ODAD2: variants seen among roughly 807,000 people sequenced by gnomAD.
ODAD2 encodes outer dynein arm-docking complex subunit 2.
In ODAD2, 89 loss-of-function variants were observed where a neutral mutation model predicts 106.8. That is an observed-to-expected ratio of 0.83 (90% CI 0.70 to 0.99). The LOEUF is 0.99. Among genes scored for constraint, ODAD2 ranks in the 50% least tolerant of loss-of-function variants. ODAD2 has a pLI of 0.00. For missense variants in ODAD2, 1,168 were observed against 1,238.5 expected, an observed-to-expected ratio of 0.94 and a Z score of 0.85; for synonymous variants, 404 against 436.2, an observed-to-expected ratio of 0.93 and a Z score of 0.92.
intron 3 of ODAD2, among the ~76,000 whole-genome samples, chr10:27,986,520 TAAG>T (rs1367542375): frequency 6.6e-6 from 1 of 152,158 alleles, no homozygotes; most frequent in African/African-American, 2.4e-5. Context: ...CCTCGCCTAA[TAAG>T]GAGTAATAGG....
chr10:27,936,821 C>A lies in ODAD2; in HGVS notation c.2157G>T (p.Leu719Phe), dbSNP rs1846013181. Residue 719 changes from leucine (L) to phenylalanine (F), a missense_variant, in exon 15 of 20, where the codon TTG becomes TTT. Transcript: ENST00000305242. Reference sequence around the variant, plus strand: ...TGTCAGTGTTATTGAGTAGACTGGCCAAGGGCTTAAGTCCTCCGTGCAGCC... The same window carrying A: ...TGTCAGTGTTATTGAGTAGACTGGCAAAGGGCTTAAGTCCTCCGTGCAGCC... The part of the protein sequence containing the change: ...LVRLHGGLKP[L>F]ASLLNNTDNK... The A allele has an allele frequency of 5.6e-6, 9 of 1,613,946 alleles. No individual in the cohort carries two copies. Among genetic ancestry groups the A allele is most frequent in the South Asian group, 1.1e-5 (1 of 91,060 alleles).
At chr10:27,860,542 A>C in intron 19 of ODAD2, 83 bp downstream of exon 19, 2 of 1,317,852 alleles carry the variant, frequency 1.5e-6, no homozygotes, top group Non-Finnish European at 2.1e-6. Flanking sequence ...TACCTCCTTT[A>C]GAGAAATCTT....
intron 19 of ODAD2, among the ~76,000 whole-genome samples, chr10:27,829,283 C>T (rs998733719): frequency 6.6e-5 from 10 of 152,142 alleles, no homozygotes; most frequent in African/African-American, 1.7e-4. Context: ...CCTACTAAAT[C>T]GGAACTAAAC....
intron 17 of ODAD2, among the ~76,000 whole-genome samples, chr10:27,868,056 A>T (rs1330751415): frequency 6.6e-6 from 1 of 152,200 alleles, no homozygotes; most frequent in African/African-American, 2.4e-5. Context: ...GAAGACATTT[A>T]TGCGGCCAAC....
At chr10:27,937,693 G>A (rs954749998) in intron 14 of ODAD2, among the ~76,000 whole-genome samples, 3 of 152,180 alleles carry the variant, frequency 2.0e-5, no homozygotes, top group African/African-American at 2.4e-5. Flanking sequence ...ATCCAGATAT[G>A]TGTCATGTGT....
At chr10:27,983,612 A>G (rs1849691773) in intron 6 of ODAD2, among the ~76,000 whole-genome samples, 1 of 152,220 alleles carries the variant, frequency 6.6e-6, no homozygotes, top group Admixed American at 6.5e-5. Context: ...GGAATGGGTC[A>G]CTTTGAAGCC....
chr10:27,996,176 G>A (rs1421745697), intron 1 of ODAD2, among the ~76,000 whole-genome samples: 1 of 152,124 alleles, frequency 6.6e-6, no homozygotes, highest in Non-Finnish European at 1.5e-5. Context: ...TTTCTCTTTT[G>A]TATAGCACTT....
chr10:27,997,139 T>C (rs921526315), intron 1 of ODAD2, among the ~76,000 whole-genome samples: 13 of 152,128 alleles, frequency 8.5e-5, no homozygotes, highest in African/African-American at 3.1e-4. Context: ...GTGCAGAAAT[T>C]AGTGCACAAA....
chr10:27,919,279 A>C (rs1159508566), intron 16 of ODAD2, among the ~76,000 whole-genome samples: 1 of 152,052 alleles, frequency 6.6e-6, no homozygotes, highest in Non-Finnish European at 1.5e-5. Context: ...TGCCATACTT[A>C]AAAACTAGTT....
intron 9 of ODAD2, among the ~76,000 whole-genome samples, chr10:27,964,694 G>A (rs1166328165): frequency 1.3e-5 from 2 of 152,166 alleles, no homozygotes; most frequent in Non-Finnish European, 2.9e-5. Flanking sequence ...AATCAAATCT[G>A]TGGTCTATGA....
intron 17 of ODAD2, among the ~76,000 whole-genome samples, chr10:27,903,335 C>G (rs1418257032): frequency 6.6e-6 from 1 of 152,142 alleles, no homozygotes; most frequent in Non-Finnish European, 1.5e-5. Flanking sequence ...AAACCCACAG[C>G]CAATATCATA....
chr10:27,814,690 G>T (rs997497157), intron 19 of ODAD2, among the ~76,000 whole-genome samples: 1 of 152,036 alleles, frequency 6.6e-6, no homozygotes, highest in Non-Finnish European at 1.5e-5. Context: ...ACCATCTTCC[G>T]TCTTTGCTTC....
intron 6 of ODAD2, among the ~76,000 whole-genome samples, chr10:27,983,437 A>G (rs1460471653): frequency 6.6e-6 from 1 of 152,114 alleles, no homozygotes; most frequent in African/African-American, 2.4e-5. Context: ...CCTACCTTCT[A>G]CATTTAGATA....
intron 17 of ODAD2, among the ~76,000 whole-genome samples, chr10:27,906,242 C>T (rs1415707460): frequency 6.6e-6 from 1 of 152,044 alleles, no homozygotes; most frequent in African/African-American, 2.4e-5. Flanking sequence ...TTTATGCGAC[C>T]AACAAACGTA....
intron 19 of ODAD2, among the ~76,000 whole-genome samples, chr10:27,860,041 C>T (rs1331529720): frequency 1.3e-5 from 2 of 152,142 alleles, no homozygotes; most frequent in Non-Finnish European, 2.9e-5. Flanking sequence ...TGTCCATATG[C>T]TGTACATTTT....
intron 7 of ODAD2, among the ~76,000 whole-genome samples, chr10:27,975,551 T>C (rs1849136622): frequency 6.6e-6 from 1 of 152,164 alleles, no homozygotes; most frequent in Admixed American, 6.6e-5. Flanking sequence ...CAAATTCCTT[T>C]AAGACAATCT....
intron 6 of ODAD2, 113 bp from the exon 7 acceptor site, chr10:27,981,695 A>ATC: frequency 1.3e-6 from 1 of 774,736 alleles, no homozygotes; most frequent in Non-Finnish European, 2.0e-6. Context: ...AAGGATCTAT[A>ATC]TGGTAGTTTT....
At chr10:27,988,620 G>A (rs1273757017) in intron 2 of ODAD2, among the ~76,000 whole-genome samples, 2 of 152,072 alleles carry the variant, frequency 1.3e-5, no homozygotes, top group Non-Finnish European at 2.9e-5. Context: ...TTACAGGCGT[G>A]AGCTACCACA....
chr10:27,839,372 C>T (rs1246461726), intron 19 of ODAD2, among the ~76,000 whole-genome samples: 1 of 152,182 alleles, frequency 6.6e-6, no homozygotes, highest in Non-Finnish European at 1.5e-5. Context: ...TTACGTAACT[C>T]AGAGGGAAAT....
Sources: allele counts gnomAD v4.1 joint callset (sites outside exome capture counted in the v4.1 genomes callset), GRCh38; gene constraint gnomAD v4.1.1; transcripts MANE v1.5; gene names NCBI Gene and HGNC (gene_info 2026-07-23, HGNC 2026-07-21).